The following GRM1 variants were observed in gnomAD, a reference collection of about 807,000 sequenced individuals.
The protein encoded by GRM1 is glutamate metabotropic receptor 1.
GRM1 carries 33 observed loss-of-function variants against 90.9 expected under a neutral mutation model. The ratio of observed to expected loss-of-function variants is 0.36; its 90% CI spans 0.28 to 0.49. The LOEUF (loss-of-function observed/expected upper bound fraction) is 0.49, where lower values mean the gene tolerates loss of function less well. Among genes scored for constraint, GRM1 ranks in the 20% least tolerant of loss-of-function variants. GRM1 has a pLI of 0.99. For synonymous variants in GRM1, 700 were observed against 613.2 expected (o/e 1.14, Z -2.09); for missense variants, 1,190 against 1,534.3 (o/e 0.78, Z 3.75).
chr6:146,125,127 C>G (rs535008635), intron 1 of GRM1, among the ~76,000 whole-genome samples: 87 of 152,122 alleles, frequency 5.7e-4, no homozygotes, highest in African/African-American at 2.0e-3. Context: ...TGCCACTTGC[C>G]AAATCATGGA....
chr6:146,043,599 T>C (rs1006453659), intron 1 of GRM1, among the ~76,000 whole-genome samples: 1 of 151,572 alleles, frequency 6.6e-6, no homozygotes, highest in Non-Finnish European at 1.5e-5. Context: ...AATGAGAACA[T>C]TGCATTTTCT....
intron 7 of GRM1, among the ~76,000 whole-genome samples, chr6:146,419,080 A>G (rs945575068): frequency 6.6e-6 from 1 of 152,152 alleles, no homozygotes; most frequent in Non-Finnish European, 1.5e-5. Flanking sequence ...GATTTCGCCT[A>G]CATTGCAATG....
chr6:146,304,912 G>C (rs1011824815), intron 3 of GRM1, 66 bp downstream of exon 3: 7 of 1,119,864 alleles, frequency 6.3e-6, no homozygotes, highest in Admixed American at 1.7e-5. Flanking sequence ...ATTGCAACTT[G>C]TTGAATGAGA....
chr6:146,356,790 A>G (rs1785601158), intron 4 of GRM1, among the ~76,000 whole-genome samples: 1 of 152,134 alleles, frequency 6.6e-6, no homozygotes, highest in African/African-American at 2.4e-5. Context: ...AGAATGTCCT[A>G]TACCATATAC....
intron 6 of GRM1, among the ~76,000 whole-genome samples, chr6:146,393,750 A>G (rs910923458): frequency 6.6e-6 from 1 of 152,160 alleles, no homozygotes; most frequent in Non-Finnish European, 1.5e-5. Context: ...TTCTTCACAG[A>G]ATTAGAAAAA....
At chr6:146,422,660 T>G (rs1385998764) in intron 7 of GRM1, among the ~76,000 whole-genome samples, 1 of 152,204 alleles carries the variant, frequency 6.6e-6, no homozygotes, top group Non-Finnish European at 1.5e-5. Flanking sequence ...AACATCATAC[T>G]GAGTAAAATT....
chr6:146,384,444 C>G (rs1776427276), intron 5 of GRM1, among the ~76,000 whole-genome samples: 1 of 152,052 alleles, frequency 6.6e-6, no homozygotes, highest in African/African-American at 2.4e-5. Flanking sequence ...CAAACAGTGA[C>G]TATTCTAGAC....
rs970470200 is a variant in GRM1, at chr6:146,399,785, C to G, written c.2660+86C>G. On this transcript the variant is annotated intron_variant, in intron 7 of 7. Coordinates refer to ENST00000282753, the MANE Select transcript of GRM1 (RefSeq NM_001278064.2). This position sits in a 1 kb window ranked among gnomAD's most constrained non-coding sequence, Gnocchi z 5.4. ...TCTCTCTCTCTCTCTTTCTCTGTCT[C>G]TCATATCTTCCTCTAGTTTTCTGAG... 27 of 898,506 alleles carry G rather than the reference C, an allele frequency of 3.0e-5. No homozygotes were observed. In the African/African-American group the frequency reaches 3.9e-4, roughly 13 times the overall value. 55.7% of individuals were successfully genotyped at this position (898,506 alleles called of 1,614,324 possible). A position where few individuals can be genotyped will look rare whatever the true frequency, so the allele number is the denominator to read the frequency against.
At chr6:146,045,971 C>T (rs1306949953) in intron 1 of GRM1, among the ~76,000 whole-genome samples, 2 of 151,792 alleles carry the variant, frequency 1.3e-5, no homozygotes, top group East Asian at 1.9e-4. Flanking sequence ...CTTTAGCGCC[C>T]GTGGGCAGCA....
At chr6:146,359,171 AT>A (rs1215502006) in intron 5 of GRM1, among the ~76,000 whole-genome samples, 1 of 152,180 alleles carries the variant, frequency 6.6e-6, no homozygotes, top group African/African-American at 2.4e-5. Context: ...GTATGGGCTG[AT>A]TCCTGACTAG....
chr6:146,048,899 T>G (rs1791428017), intron 1 of GRM1, among the ~76,000 whole-genome samples: 1 of 151,998 alleles, frequency 6.6e-6, no homozygotes, highest in South Asian at 2.1e-4. Flanking sequence ...TTTCAGATTT[T>G]TAGCCTCTAG....
intron 1 of GRM1, among the ~76,000 whole-genome samples, chr6:146,056,450 A>G (rs1468359003): frequency 2.6e-5 from 4 of 152,176 alleles, no homozygotes; most frequent in African/African-American, 9.6e-5. Context: ...AACACCATAT[A>G]GACCCAACAA....
At chr6:146,334,305 T>C (rs1784691592) in intron 3 of GRM1, among the ~76,000 whole-genome samples, 1 of 152,224 alleles carries the variant, frequency 6.6e-6, no homozygotes, top group Non-Finnish European at 1.5e-5. Context: ...ACCCATCCTC[T>C]TCCAGTCTCT....
rs1180480461 is a variant in GRM1, at chr6:146,414,404, A to ATTATTT, written c.2660+14707_2660+14708insATTTTT. 3.4e-5 allele frequency among the ~76,000 whole-genome samples: 5 copies of ATTATTT among 148,664 alleles called. No homozygotes were observed. The South Asian group carries it at 1.1e-3, about 32-fold the overall frequency. ...TATTATTATTATTATTATTATTATT[A>ATTATTT]TTTTTGTTGTTGTTGTTGAGATGGA... On this transcript the variant is annotated intron_variant, in intron 7 of 7. Transcript: ENST00000282753.
At chr6:146,102,909 T>G (rs1340679265) in intron 1 of GRM1, among the ~76,000 whole-genome samples, 1 of 152,214 alleles carries the variant, frequency 6.6e-6, no homozygotes, top group Non-Finnish European at 1.5e-5. Context: ...TTCACAAAAG[T>G]GTGGCTGAGA....
chr6:146,235,871 C>A (rs916916661), intron 2 of GRM1, among the ~76,000 whole-genome samples: 2 of 151,898 alleles, frequency 1.3e-5, no homozygotes, highest in Non-Finnish European at 2.9e-5. Context: ...TATGTATCAT[C>A]ATTAAATTAA....
At chr6:146,364,739 CCT>C (rs147830116) in intron 5 of GRM1, among the ~76,000 whole-genome samples, 4 of 150,216 alleles carry the variant, frequency 2.7e-5, no homozygotes, top group East Asian at 1.9e-4. Flanking sequence ...CCACATCACG[CCT>C]CTCTCTCTCT....
chr6:146,059,284 T>G (rs1174134285), intron 1 of GRM1, among the ~76,000 whole-genome samples: 1 of 152,154 alleles, frequency 6.6e-6, no homozygotes, highest in East Asian at 1.9e-4. Flanking sequence ...AAAACAACAT[T>G]AATCTTCCTG....
At chr6:146,210,784 G>A (rs886278767) in intron 2 of GRM1, among the ~76,000 whole-genome samples, 3 of 152,132 alleles carry the variant, frequency 2.0e-5, no homozygotes, top group Non-Finnish European at 4.4e-5. Context: ...CAAAATAAGG[G>A]AGACTAATTT....
Sources: gnomAD v4.1 joint callset for allele counts (sites outside exome capture counted in the v4.1 genomes callset) on GRCh38, gnomAD v4.1.1 for gene constraint, Gnocchi (gnomAD v3.1) non-coding constraint, MANE v1.5 for transcripts, NCBI Gene and HGNC (gene_info 2026-07-23, HGNC 2026-07-21) for gene names.